Variants in LAMA4 observed in about 807,000 individuals in gnomAD.
LAMA4 encodes the protein laminin subunit alpha-4.
In LAMA4, 127 loss-of-function variants were observed where a neutral mutation model predicts 207.1. That is an observed-to-expected ratio of 0.61 (90% confidence interval 0.53 to 0.71). LAMA4 has a LOEUF of 0.71. Ranked by LOEUF, LAMA4 falls within the 30% of genes least tolerant of loss-of-function variation. The probability of loss-of-function intolerance (pLI) is 0.00; values close to 1 mark genes in which losing one functional copy is unlikely to be tolerated. For synonymous variants in LAMA4, 761 were observed against 816.0 expected (o/e 0.93, Z 1.15); for missense variants, 2,093 against 2,246.5 (o/e 0.93, Z 1.38).
chr6:112,182,723 T>A (rs1562704021), intron 9 of LAMA4, among the ~76,000 whole-genome samples: 1 of 152,140 alleles, frequency 6.6e-6, no homozygotes, highest in Non-Finnish European at 1.5e-5. Context: ...ACCTTCAAGA[T>A]CCAGATGGTG....
At chr6:112,115,466 T>G (rs1233201218) in intron 36 of LAMA4, among the ~76,000 whole-genome samples, 1 of 152,182 alleles carries the variant, frequency 6.6e-6, no homozygotes, top group Non-Finnish European at 1.5e-5. Flanking sequence ...ATGTATAGTA[T>G]ATATACATAT....
At chr6:112,176,373 C>T (rs2157545) in intron 10 of LAMA4, among the ~76,000 whole-genome samples, 23,601 of 152,122 alleles carry the variant, frequency 0.16, 2,084 homozygotes, top group East Asian at 0.29. Flanking sequence ...AATGAAATTG[C>T]GTGTCTGTGG....
In LAMA4 at chr6:112,117,756, C is replaced by T. The variant is rs587768426; in HGVS notation, c.4964G>A (p.Gly1655Glu). 5.1e-5 allele frequency: 83 copies of T among 1,613,526 alleles called. No homozygotes were observed. The South Asian group carries it at 8.8e-4, about 17-fold the overall frequency. Residue 1655 changes from glycine to glutamate, a missense_variant, in exon 35 of 39, where the codon GGA (glycine) becomes GAA (glutamate). By Grantham distance (98) the Gly-to-Glu change is moderately conservative (BLOSUM62 -2). Transcript: ENST00000230538. This position sits in a 1 kb window ranked among gnomAD's most constrained non-coding sequence, Gnocchi z 4.5. ...AATGTTACCTAGAACCACGTATCCT[C>T]CTTCTGTTGAAAAGTAAGTTCCTGT... ...METGTYFSTE[G>E]GYVVLDESFN...
intron 12 of LAMA4, among the ~76,000 whole-genome samples, chr6:112,168,345 C>CTTTT (rs34395210): frequency 0.072 from 9,290 of 129,118 alleles, 638 homozygotes; most frequent in Middle Eastern, 0.16. Context: ...AGCTAGTGTT[C>CTTTT]TTTTTTTTTT....
In LAMA4 at chr6:112,120,435, G is replaced by A. The variant is rs1554325797; in HGVS notation, c.4513C>T (p.His1505Tyr). The change falls in exon 33 of 39, where the codon CAT becomes TAT. Residue 1505 changes from histidine to tyrosine, a missense_variant. His to Tyr is a moderately conservative substitution (Grantham distance 83). Coordinates refer to ENST00000230538, the MANE Select transcript of LAMA4 (RefSeq NM_001105206.3). ...FSIRLRTRSS[H>Y]GMIFYVSDQE... ...TCTGAGACATAGAAGATCATGCCAT[G>A]GGAGGAACGAGTTCTCAGACGAATG... The A allele has an allele frequency of 1.2e-6, 2 of 1,613,766 alleles. No homozygotes were observed. The highest frequency in any genetic ancestry group is 1.7e-6 in the Non-Finnish European group (2 of 1,179,870).
chr6:112,141,993 A>T, intron 20 of LAMA4, 126 bp downstream of exon 20: 1 of 875,556 alleles, frequency 1.1e-6, no homozygotes, highest in Admixed American at 2.0e-5. Context: ...CATTAAAATG[A>T]GATCTTCTGA....
rs535834431 is a variant in LAMA4, at chr6:112,193,348, G to A, written c.504-1498C>T. ...GGGTGTTGGCCTTGGGAGTGGAAAGGAAGGGAGAGCTTTCCAAGGAAATCA... is the reference window on the plus strand; with the variant it reads ...GGGTGTTGGCCTTGGGAGTGGAAAGAAAGGGAGAGCTTTCCAAGGAAATCA... On this transcript the variant is annotated intron_variant, in intron 5 of 38. Coordinates refer to ENST00000230538, the MANE Select transcript of LAMA4 (RefSeq NM_001105206.3). Among the ~76,000 whole-genome samples, 136 of 151,996 alleles carry A rather than the reference G, an allele frequency of 8.9e-4. 1 individual carries two copies. The highest frequency in any genetic ancestry group is 1.6e-3 in the Non-Finnish European group (108 of 67,990).
rs782019593 is a variant in LAMA4, at chr6:112,134,461, C to G, written c.3557+6G>C. The G allele has an allele frequency of 2.6e-5, 42 of 1,613,202 alleles. No individual in the cohort carries two copies. The highest frequency in any genetic ancestry group is 3.3e-5 in the Non-Finnish European group (39 of 1,179,530). ...GAACAAACAGCTACTTAACAAAAAG[C>G]CTTACCTGGATTGTAAGATTTCTGG... is the stretch of plus-strand genomic sequence containing the variant. On this transcript the variant is annotated splice_donor_region_variant and intron_variant, in intron 26 of 38. Transcript: ENST00000230538.
At chr6:112,129,754 C>G in intron 30 of LAMA4, 122 bp downstream of exon 30, 1 of 816,150 alleles carries the variant, frequency 1.2e-6, no homozygotes, top group Middle Eastern at 3.6e-4. Context: ...CACATAAAAG[C>G]TTTTAATTAC....
intron 19 of LAMA4, among the ~76,000 whole-genome samples, chr6:112,143,459 A>G (rs1443982570): frequency 2.0e-5 from 3 of 151,940 alleles, no homozygotes; most frequent in African/African-American, 7.3e-5. Context: ...CAATTTTTGT[A>G]TTTTGGTAGA....
At chr6:112,111,098 C>T (rs1458565790) in intron 38 of LAMA4, among the ~76,000 whole-genome samples, 5 of 152,098 alleles carry the variant, frequency 3.3e-5, no homozygotes, top group Non-Finnish European at 7.4e-5. Flanking sequence ...TAGAGTGCAG[C>T]GGTGTGATCT....
chr6:112,177,330 C>T (rs114196338), intron 10 of LAMA4, among the ~76,000 whole-genome samples: 1,816 of 152,234 alleles, frequency 0.012, 36 homozygotes, highest in African/African-American at 0.041. Context: ...GTCCCTTTAT[C>T]GCTACTGTGC....
At chr6:112,151,066 A>G (rs1780372728) in intron 16 of LAMA4, among the ~76,000 whole-genome samples, 1 of 142,812 alleles carries the variant, frequency 7.0e-6, no homozygotes, top group Non-Finnish European at 1.5e-5. Flanking sequence ...CACCCTTTAT[A>G]AATGCACAGC....
At chr6:112,215,241 G>A (rs550457860) in intron 3 of LAMA4, among the ~76,000 whole-genome samples, 1 of 152,190 alleles carries the variant, frequency 6.6e-6, no homozygotes, top group East Asian at 1.9e-4. Context: ...ATGGGGGAAG[G>A]GAAAACAAAT....
chr6:112,121,876 A>C (rs1778381298), intron 32 of LAMA4, 138 bp downstream of exon 32: 3 of 737,398 alleles, frequency 4.1e-6, no homozygotes, highest in Admixed American at 4.0e-5. Context: ...TGTACTATTT[A>C]GTGTTTATTT....
chr6:112,182,475 C>G (rs1184828845), intron 9 of LAMA4, among the ~76,000 whole-genome samples: 1 of 152,186 alleles, frequency 6.6e-6, no homozygotes, highest in Non-Finnish European at 1.5e-5. Flanking sequence ...TCTATGAATA[C>G]AGAGGGCCAA....
rs554690343 is a variant in LAMA4, at chr6:112,231,402, T to C, written c.196-14933A>G. 4.6e-5 allele frequency among the ~76,000 whole-genome samples: 7 copies of C among 152,330 alleles called. No individual in the cohort carries two copies. The South Asian group carries it at 1.4e-3, about 32-fold the overall frequency. On this transcript the variant is annotated intron_variant, in intron 2 of 38. Coordinates refer to ENST00000230538, the MANE Select transcript of LAMA4 (RefSeq NM_001105206.3). ...GTCCTCAGAGACAGCCCATTAGGCC[T>C]CTCTTATTACTTGGTTTGACATATG...
intron 5 of LAMA4, among the ~76,000 whole-genome samples, chr6:112,192,949 G>A (rs141679934): frequency 5.3e-4 from 81 of 152,330 alleles, no homozygotes; most frequent in African/African-American, 1.5e-3. Flanking sequence ...AAATTTGGAT[G>A]TTTATGTGAA....
chr6:112,114,730 G>A lies in LAMA4; in HGVS notation c.5139C>T (p.Ile1713=). The change falls in exon 37 of 39, where the codon ATC becomes ATT. Residue 1713 remains isoleucine, a synonymous_variant. Transcript: ENST00000230538. ...GTGTAACTGAGGTGGAAAAATCTCTGATGCCATTATTGACTTTCACTATGA... is the reference window on the plus strand; with the variant it reads ...GTGTAACTGAGGTGGAAAAATCTCTAATGCCATTATTGACTTTCACTATGA... ...GQVIVKVNNG[I]RDFSTSVTPK... 8 of 1,612,092 alleles carry A rather than the reference G, an allele frequency of 5.0e-6. No homozygotes were observed. Among genetic ancestry groups the A allele is most frequent in the Non-Finnish European group, 6.8e-6 (8 of 1,178,330 alleles).
Sources: allele counts gnomAD v4.1 joint callset (sites outside exome capture counted in the v4.1 genomes callset), GRCh38; gene constraint gnomAD v4.1.1; non-coding constraint Gnocchi (gnomAD v3.1); transcripts MANE v1.5; gene names NCBI Gene and HGNC (gene_info 2026-07-23, HGNC 2026-07-21).